The following DDR2 variants were observed in gnomAD, a reference collection of about 807,000 sequenced individuals.
DDR2 encodes discoidin domain-containing receptor 2.
In DDR2, 27 loss-of-function variants were observed where a neutral mutation model predicts 94.9. The observed-to-expected ratio is 0.28, with a 90% CI of 0.21 to 0.39. DDR2 has a LOEUF of 0.39. Ranked by LOEUF, DDR2 falls within the 10% of genes least tolerant of loss-of-function variation. DDR2 has a pLI of 1.00. For missense variants in DDR2, 783 were observed against 1,076.0 expected, an observed-to-expected ratio of 0.73 and a Z score of 3.81; for synonymous variants, 382 against 377.2, an observed-to-expected ratio of 1.01 and a Z score of -0.15.
intron 1 of DDR2, among the ~76,000 whole-genome samples, chr1:162,635,252 T>A (rs1001172328): frequency 6.6e-6 from 1 of 152,160 alleles, no homozygotes; most frequent in Admixed American, 6.5e-5. Flanking sequence ...ACAGTGAATT[T>A]ACTTCAAACC....
chr1:162,717,117 C>A (rs961691452), intron 2 of DDR2, among the ~76,000 whole-genome samples: 4 of 151,842 alleles, frequency 2.6e-5, no homozygotes, highest in Non-Finnish European at 5.9e-5. Context: ...CTCACTGCAA[C>A]CTCCACCTCC....
At chr1:162,745,374 T>C (rs534621054) in intron 3 of DDR2, among the ~76,000 whole-genome samples, 2 of 152,224 alleles carry the variant, frequency 1.3e-5, no homozygotes, top group East Asian at 1.9e-4. Context: ...TTGTTGCTTA[T>C]GTGTTTGGTA....
intron 2 of DDR2, among the ~76,000 whole-genome samples, chr1:162,707,302 T>A (rs1440913025): frequency 6.6e-6 from 1 of 152,244 alleles, no homozygotes; most frequent in Non-Finnish European, 1.5e-5. Flanking sequence ...TAAGTCCCTA[T>A]GAGGTCTACA....
At chr1:162,704,179 G>A (rs564134857) in intron 2 of DDR2, among the ~76,000 whole-genome samples, 24 of 152,162 alleles carry the variant, frequency 1.6e-4, no homozygotes, top group Non-Finnish European at 2.4e-4. Context: ...TCTGGCAGAG[G>A]TACCATTTAT....
intron 2 of DDR2, among the ~76,000 whole-genome samples, chr1:162,712,529 G>C (rs534063936): frequency 7.2e-5 from 11 of 152,076 alleles, no homozygotes; most frequent in Middle Eastern, 3.4e-3. Flanking sequence ...CTGGTTTCCT[G>C]GTGGCTTTGA....
In DDR2 at chr1:162,664,355, A is replaced by G. The variant is rs143889181; in HGVS notation, c.-28+8981A>G. On this transcript the variant is annotated intron_variant, in intron 2 of 17. Coordinates refer to ENST00000367921, the MANE Select transcript of DDR2 (RefSeq NM_006182.4). ...ACGTGAATAACCTTAAAAATTTTCC[A>G]TAATATTTGACTTAGGAACTTTAGT... is the stretch of plus-strand genomic sequence containing the variant. 1.6e-3 allele frequency among the ~76,000 whole-genome samples: 238 copies of G among 152,254 alleles called. 1 individual carries two copies. The highest frequency in any genetic ancestry group is 5.7e-3 in the African/African-American group (235 of 41,568).
chr1:162,659,460 T>G (rs1363920474), intron 2 of DDR2, among the ~76,000 whole-genome samples: 1 of 150,856 alleles, frequency 6.6e-6, no homozygotes, highest in Admixed American at 6.6e-5. Flanking sequence ...GCATGTGGAG[T>G]GGAGGGGAGG....
chr1:162,724,207 C>T (rs560020177), intron 3 of DDR2, among the ~76,000 whole-genome samples: 166 of 152,260 alleles, frequency 1.1e-3, no homozygotes, highest in African/African-American at 3.6e-3. Flanking sequence ...TACCTGTCTC[C>T]CAATCCCAGG....
chr1:162,702,406 A>G (rs1328206879), intron 2 of DDR2, among the ~76,000 whole-genome samples: 1 of 152,224 alleles, frequency 6.6e-6, no homozygotes, highest in African/African-American at 2.4e-5. Flanking sequence ...AAAAACAAGA[A>G]TACCAACAAT....
intron 5 of DDR2, 126 bp from the exon 6 acceptor site, chr1:162,755,030 A>T: frequency 6.8e-7 from 1 of 1,471,198 alleles, no homozygotes; most frequent in Non-Finnish European, 9.4e-7. Flanking sequence ...GGCTGTGGGG[A>T]AAGCAGAGTA....
intron 3 of DDR2, 61 bp from the exon 4 acceptor site, chr1:162,753,034 G>A (rs912589140): frequency 7.9e-6 from 11 of 1,397,162 alleles, no homozygotes; most frequent in Non-Finnish European, 1.0e-5. Flanking sequence ...TCTTCCTAGG[G>A]GGCTTGGAAA....
At position 162,651,963 on chromosome 1, in the gene DDR2, T is replaced by G. The variant is rs542307962; in HGVS notation, c.-191-3248T>G. Among the ~76,000 whole-genome samples the G allele has an allele frequency of 9.2e-5, 14 of 152,316 alleles. No individual in the cohort carries two copies. In the South Asian group the frequency reaches 2.9e-3, roughly 32 times the overall value. Reference sequence around the variant, plus strand: ...ATTTGTCTCACCTGTGAAATCTCACTATCTCCATGAAACCGACTGGCTTCG... The same window carrying G: ...ATTTGTCTCACCTGTGAAATCTCACGATCTCCATGAAACCGACTGGCTTCG... On this transcript the variant is annotated intron_variant, in intron 1 of 17. Coordinates refer to ENST00000367921, the MANE Select transcript of DDR2 (RefSeq NM_006182.4).
rs144794882 is a variant in DDR2 at position 162,725,634 on chromosome 1, T to C, written c.82+6489T>C. 7.1e-3 allele frequency among the ~76,000 whole-genome samples: 1,085 copies of C among 152,236 alleles called. 11 individuals are homozygous for C. Among genetic ancestry groups the C allele is most frequent in the African/African-American group, 0.025 (1,032 of 41,550 alleles). Reference sequence around the variant, plus strand: ...CCTCGCCCTCCTAAAGTGCTGGGATTACAGGCATGAGCCACCACACCCGGC... The same window carrying C: ...CCTCGCCCTCCTAAAGTGCTGGGATCACAGGCATGAGCCACCACACCCGGC... On this transcript the variant is annotated intron_variant, in intron 3 of 17. Transcript: ENST00000367921.
intron 3 of DDR2, among the ~76,000 whole-genome samples, chr1:162,733,892 A>G (rs907073): frequency 0.8 from 122,153 of 152,166 alleles, 50,761 homozygotes; most frequent in Non-Finnish European, 0.92. Context: ...TTAATCCCAT[A>G]CCACGTTTTA....
intron 2 of DDR2, among the ~76,000 whole-genome samples, chr1:162,661,122 T>TA: frequency 6.6e-6 from 1 of 152,324 alleles, no homozygotes; most frequent in Admixed American, 6.5e-5. Context: ...GTCTTGAGCC[T>TA]AAAATTGGTC....
intron 2 of DDR2, among the ~76,000 whole-genome samples, chr1:162,717,037 A>G (rs1043125797): frequency 1.3e-5 from 2 of 151,068 alleles, no homozygotes; most frequent in Non-Finnish European, 2.9e-5. Flanking sequence ...ATCACTTTGT[A>G]TTCTAGAACA....
intron 2 of DDR2, among the ~76,000 whole-genome samples, chr1:162,698,522 A>G (rs1660290617): frequency 6.6e-6 from 1 of 152,122 alleles, no homozygotes; most frequent in African/African-American, 2.4e-5. Context: ...TGGATGTGCC[A>G]TGGTGAATAT....
intron 1 of DDR2, among the ~76,000 whole-genome samples, chr1:162,647,253 C>T (rs530049203): frequency 7.2e-5 from 11 of 152,276 alleles, no homozygotes; most frequent in African/African-American, 2.4e-4. Context: ...TCTTCCCCTG[C>T]GTTTCTAAAA....
intron 1 of DDR2, among the ~76,000 whole-genome samples, chr1:162,652,401 G>A (rs756346510): frequency 2.6e-5 from 4 of 152,294 alleles, no homozygotes; most frequent in South Asian, 2.1e-4. Context: ...AAGCAGACTC[G>A]TGCTTCTCAT....
Sources: gnomAD v4.1 joint callset for allele counts (sites outside exome capture counted in the v4.1 genomes callset) on GRCh38, gnomAD v4.1.1 for gene constraint, MANE v1.5 for transcripts, NCBI Gene and HGNC (gene_info 2026-07-23, HGNC 2026-07-21) for gene names.